The following UBE2V2 variants were observed in gnomAD, a reference collection of about 807,000 sequenced individuals.
The protein encoded by UBE2V2 is ubiquitin-conjugating enzyme E2 variant 2.
Under a neutral mutation model 17.2 loss-of-function variants are expected in UBE2V2, and 9 were observed. The observed-to-expected ratio is 0.52, with a 90% CI of 0.32 to 0.91. UBE2V2 has a LOEUF of 0.91. UBE2V2 is among the 40% of genes least tolerant of loss of function. UBE2V2 has a pLI of 0.04. For synonymous variants in UBE2V2, 61 were observed against 57.5 expected (o/e 1.06, Z -0.28); for missense variants, 133 against 182.6 (o/e 0.73, Z 1.56).
chr8:48,047,730 T>C (rs537282186), intron 2 of UBE2V2, among the ~76,000 whole-genome samples: 1 of 152,196 alleles, frequency 6.6e-6, no homozygotes, highest in East Asian at 1.9e-4. Flanking sequence ...GTATTTTTAA[T>C]AGAGACGGGG....
chr8:48,030,058 A>T (rs926762021), intron 1 of UBE2V2, among the ~76,000 whole-genome samples: 2 of 152,230 alleles, frequency 1.3e-5, no homozygotes, highest in Non-Finnish European at 2.9e-5. Context: ...TAGTTCTGCA[A>T]TAAACATTCT....
At position 48,061,832 on chromosome 8, in the gene UBE2V2, C is replaced by T. The variant is rs548629486; in HGVS notation, c.*1004C>T. The T allele has an allele frequency of 6.6e-6, 1 of 152,206 alleles. No individual in the cohort carries two copies. Among genetic ancestry groups the T allele is most frequent in the South Asian group, 2.1e-4 (1 of 4,826 alleles). 9.4% of individuals were successfully genotyped at this position (152,206 alleles called of 1,614,324 possible). A position where few individuals can be genotyped will look rare whatever the true frequency, so the allele number is the denominator to read the frequency against. ...TATTAAAAAGATCTTTGCATTCTGGCAGTTCTTTTAGGATTATAGGTTGCA... is the reference window on the plus strand; with the variant it reads ...TATTAAAAAGATCTTTGCATTCTGGTAGTTCTTTTAGGATTATAGGTTGCA... On this transcript the variant is annotated 3_prime_UTR_variant, in exon 4 of 4. Coordinates refer to ENST00000523111, the MANE Select transcript of UBE2V2 (RefSeq NM_003350.3).
the UBE2V2 span, among the ~76,000 whole-genome samples, chr8:48,002,512 G>C: frequency 6.6e-6 from 1 of 152,176 alleles, no homozygotes; most frequent in Admixed American, 6.5e-5. Context: ...TGGAGGCCAG[G>C]CATGGTGGCT....
At position 48,012,514 on chromosome 8, in the gene UBE2V2, G is replaced by T. The variant is rs1201944463; in HGVS notation, c.16+4044G>T. Among the ~76,000 whole-genome samples the T allele has an allele frequency of 1.2e-4, 18 of 152,122 alleles. No homozygotes were observed. In the East Asian group the frequency reaches 1.6e-3, roughly 13 times the overall value. On this transcript the variant is annotated intron_variant, in intron 1 of 3. Coordinates refer to ENST00000523111, the MANE Select transcript of UBE2V2 (RefSeq NM_003350.3). ...TGGGCGGATTACCTGAGGTCGGGAG[G>T]TTGAGACCAGCTGGACCAACATGGA...
chr8:48,041,143 C>T (rs1441667263), intron 1 of UBE2V2, among the ~76,000 whole-genome samples: 4 of 149,208 alleles, frequency 2.7e-5, no homozygotes, highest in African/African-American at 9.9e-5. Flanking sequence ...GGATTACAGG[C>T]GTGAGCCACT....
chr8:48,035,293 G>A (rs1013539421), intron 1 of UBE2V2, among the ~76,000 whole-genome samples: 6 of 150,810 alleles, frequency 4.0e-5, no homozygotes, highest in Non-Finnish European at 5.9e-5. Context: ...TTTTTTTTTG[G>A]TATTTTTAGT....
At chr8:48,039,580 A>G (rs1455649776) in intron 1 of UBE2V2, among the ~76,000 whole-genome samples, 4 of 152,064 alleles carry the variant, frequency 2.6e-5, no homozygotes, top group African/African-American at 7.2e-5. Flanking sequence ...CTTGTCTTCT[A>G]TATGTTATTC....
intron 3 of UBE2V2, among the ~76,000 whole-genome samples, chr8:48,058,237 GGC>G (rs2091585457): frequency 2.0e-5 from 3 of 152,116 alleles, no homozygotes; most frequent in Non-Finnish European, 4.4e-5. Flanking sequence ...GGGAGGCTGA[GGC>G]GGGTGGATCA....
intron 3 of UBE2V2, among the ~76,000 whole-genome samples, chr8:48,057,839 T>G (rs1286405956): frequency 2.6e-5 from 4 of 152,212 alleles, no homozygotes; most frequent in Admixed American, 2.6e-4. Flanking sequence ...TCTTGTTGCC[T>G]TGATGAACTT....
intron 2 of UBE2V2, among the ~76,000 whole-genome samples, chr8:48,046,475 A>C (rs922567340): frequency 2.6e-5 from 4 of 151,428 alleles, no homozygotes; most frequent in Admixed American, 2.0e-4. Context: ...CTGGTCTCAG[A>C]CTCCCGACCT....
At chr8:48,038,533 C>T (rs1003130237) in intron 1 of UBE2V2, among the ~76,000 whole-genome samples, 2 of 151,264 alleles carry the variant, frequency 1.3e-5, no homozygotes, top group Non-Finnish European at 2.9e-5. Flanking sequence ...GGCTGGAGTG[C>T]AGTGGCACAA....
chr8:48,055,498 C>T (rs1442823183), intron 3 of UBE2V2, among the ~76,000 whole-genome samples: 1 of 151,954 alleles, frequency 6.6e-6, no homozygotes, highest in Non-Finnish European at 1.5e-5. Flanking sequence ...ATTGCGCCTG[C>T]TGTTAGTTTC....
chr8:48,035,627 T>G (rs561401785), intron 1 of UBE2V2, among the ~76,000 whole-genome samples: 42 of 138,008 alleles, frequency 3.0e-4, no homozygotes, highest in Middle Eastern at 3.5e-3. Context: ...TTGTTTTTTT[T>G]TTTTTGTGTG....
chr8:48,004,719 G>A (rs923269325), upstream of UBE2V2, among the ~76,000 whole-genome samples: 1 of 151,838 alleles, frequency 6.6e-6, no homozygotes, highest in African/African-American at 2.4e-5. Context: ...TTAGTAGAGG[G>A]AGGGTTTCAC....
At chr8:48,048,222 T>C (rs942591381) in intron 2 of UBE2V2, among the ~76,000 whole-genome samples, 1 of 152,226 alleles carries the variant, frequency 6.6e-6, no homozygotes, top group African/African-American at 2.4e-5. Flanking sequence ...TTACGGTTCT[T>C]TACTCAGCAT....
At position 48,043,085 on chromosome 8, in the gene UBE2V2, A is replaced by C; in HGVS notation, c.69A>C (p.Gln23His). The change falls in exon 2 of 4, where the codon CAA becomes CAC. Residue 23 changes from glutamine to histidine, a missense_variant. Coordinates refer to ENST00000523111, the MANE Select transcript of UBE2V2 (RefSeq NM_003350.3). The stretch of plus-strand genomic sequence containing the variant: ...TGTTGGAAGAACTTGAAGAAGGACA[A>C]AAAGGAGTAGGCGACGGTACAGTTA... ...FRLLEELEEGQKGVGDGTVSW... is the reference protein window; with the variant it reads ...FRLLEELEEGHKGVGDGTVSW... 6.3e-7 allele frequency: 1 copy of C among 1,595,752 alleles called. No individual in the cohort carries two copies. The highest frequency in any genetic ancestry group is 8.5e-7 in the Non-Finnish European group (1 of 1,169,876).
At chr8:48,046,953 T>C (rs924746216) in intron 2 of UBE2V2, among the ~76,000 whole-genome samples, 24 of 151,892 alleles carry the variant, frequency 1.6e-4, no homozygotes, top group African/African-American at 5.8e-4. Flanking sequence ...TTTTTTTTTT[T>C]TTTTGAGATG....
the UBE2V2 span, among the ~76,000 whole-genome samples, chr8:48,002,901 T>A: frequency 6.6e-6 from 1 of 151,278 alleles, no homozygotes; most frequent in Non-Finnish European, 1.5e-5. Flanking sequence ...TTTCAAAATA[T>A]CATGTCGTTA....
chr8:48,021,304 CTTTTTTTTTTT>C (rs1169402032), intron 1 of UBE2V2, among the ~76,000 whole-genome samples: 1,690 of 125,974 alleles, frequency 0.013, 18 homozygotes, highest in Non-Finnish European at 0.022. Flanking sequence ...GTCTCGAACC[CTTTTTTTTTTT>C]TTTTTTTTTG....
Sources: allele counts gnomAD v4.1 joint callset (sites outside exome capture counted in the v4.1 genomes callset), GRCh38; gene constraint gnomAD v4.1.1; transcripts MANE v1.5; gene names NCBI Gene and HGNC (gene_info 2026-07-23, HGNC 2026-07-21).